EDRF1: variants seen among roughly 807,000 people sequenced by gnomAD.
The protein encoded by EDRF1 is erythroid differentiation-related factor 1.
EDRF1 carries 69 observed loss-of-function variants against 148.7 expected under a neutral mutation model. The ratio of observed to expected loss-of-function variants is 0.46; its 90% CI spans 0.38 to 0.57. The LOEUF is 0.57. EDRF1 is among the 20% of genes least tolerant of loss of function. The probability of loss-of-function intolerance (pLI) is 0.00; values close to 1 mark genes in which losing one functional copy is unlikely to be tolerated. For synonymous variants in EDRF1, 515 were observed against 532.8 expected (o/e 0.97, Z 0.46); for missense variants, 1,118 against 1,478.7 (o/e 0.76, Z 4.00).
intron 3 of EDRF1, 109 bp downstream of exon 3, chr10:125,723,243 GATGAA>G: frequency 1.0e-6 from 1 of 964,926 alleles, no homozygotes; most frequent in East Asian, 2.4e-5. Context: ...AGAAATTAGT[GATGAA>G]ATAAGATAAA....
intron 13 of EDRF1, 72 bp downstream of exon 13, chr10:125,735,976 C>G: frequency 1.5e-6 from 2 of 1,322,728 alleles, no homozygotes; most frequent in Non-Finnish European, 2.1e-6. Context: ...GTTAGCCTTT[C>G]AAAAGATACC....
At chr10:125,721,600 A>G (rs1363480762) in intron 2 of EDRF1, among the ~76,000 whole-genome samples, 188 bp downstream of exon 2, 3 of 152,244 alleles carry the variant, frequency 2.0e-5, no homozygotes, top group Non-Finnish European at 4.4e-5. Context: ...ATATACATAC[A>G]ATATCAATTG....
intron 24 of EDRF1, chr10:125,761,387 TC>T: frequency 4.8e-6 from 1 of 210,094 alleles, no homozygotes; most frequent in South Asian, 6.0e-5. Flanking sequence ...CTTTCACAGA[TC>T]CAGGCCTCTT....
intron 18 of EDRF1, chr10:125,745,206 A>AT: frequency 5.5e-6 from 1 of 180,848 alleles, no homozygotes; most frequent in Non-Finnish European, 1.2e-5. Context: ...AATATCATAG[A>AT]CTAGGTGACA....
At position 125,749,569 on chromosome 10, in the gene EDRF1, A is replaced by T; in HGVS notation, c.3277+4A>T. On this transcript the variant is annotated splice_donor_region_variant and intron_variant, in intron 22 of 24. Transcript: ENST00000356792. ...TTTGCTGAATTTCAGATGACCAGTA[A>T]GTCTTAATTTTCATTTCTCAGATAT... is the stretch of plus-strand genomic sequence containing the variant. 1.2e-6 allele frequency: 2 copies of T among 1,613,928 alleles called. No homozygotes were observed. The highest frequency in any genetic ancestry group is 1.7e-6 in the Non-Finnish European group (2 of 1,180,004).
At chr10:125,744,405 G>C (rs570774276) in intron 18 of EDRF1, among the ~76,000 whole-genome samples, 4 of 152,192 alleles carry the variant, frequency 2.6e-5, no homozygotes, top group Non-Finnish European at 5.9e-5. Context: ...GCTGGTCTCG[G>C]ACTCCTGGCC....
chr10:125,730,302 C>T lies in EDRF1; in HGVS notation c.1031C>T (p.Pro344Leu). The stretch of plus-strand genomic sequence containing the variant: ...TATATTTTTAGGGATAACAACAAAC[C>T]AATTAATGTGCTAACTGGAATTGAC... ...VSLRLRDNNK[P>L]INVLTGIDYW... The change falls in exon 9 of 25, where the codon CCA (proline) becomes CTA (leucine). Residue 344 changes from proline (P) to leucine (L), a missense_variant. By Grantham distance (98) the Pro-to-Leu change is moderately conservative (BLOSUM62 -3). Around this residue, in one of 3 missense-constraint regions of EDRF1, gnomAD observed 954 missense variants for 1,241.4 expected, o/e 0.77. Coordinates refer to ENST00000356792, the MANE Select transcript of EDRF1 (RefSeq NM_001202438.2). The T allele has an allele frequency of 6.2e-7, 1 of 1,613,156 alleles. No individual in the cohort carries two copies. Among genetic ancestry groups the T allele is most frequent in the Admixed American group, 1.7e-5 (1 of 60,014 alleles).
chr10:125,758,809 A>C (rs934747085), intron 24 of EDRF1, among the ~76,000 whole-genome samples: 1 of 152,062 alleles, frequency 6.6e-6, no homozygotes, highest in Non-Finnish European at 1.5e-5. Flanking sequence ...GGAGTTAGCA[A>C]GGACTCCATA....
intron 21 of EDRF1, 149 bp from the exon 22 acceptor site, chr10:125,749,263 A>T: frequency 1.1e-6 from 1 of 878,582 alleles, no homozygotes; most frequent in South Asian, 1.5e-5. Context: ...AAAAAAAAGA[A>T]AGGAAATGGA....
intron 24 of EDRF1, among the ~76,000 whole-genome samples, chr10:125,757,406 GTTA>G (rs1405524880): frequency 6.6e-6 from 1 of 152,200 alleles, no homozygotes; most frequent in East Asian, 1.9e-4. Context: ...CTTTTGTACT[GTTA>G]TTATACGTTT....
chr10:125,748,380 G>A, intron 21 of EDRF1: 1 of 310,078 alleles, frequency 3.2e-6, no homozygotes, highest in Non-Finnish European at 6.2e-6. Context: ...GTGAATTTTG[G>A]GGTTATTCCA....
At position 125,737,920 on chromosome 10, in the gene EDRF1, C is replaced by T. The variant is rs149573174; in HGVS notation, c.1761C>T (p.Pro587=). ...TAATTTTATGTTTGTTCCTCAAGCC[C>T]AGTTGTGCATTTCCAGTTTGCCATG... The part of the protein sequence containing the change: ...EKYKSIHQIR[P]SCAFPVCHDT... Residue 587 remains proline, a splice_region_variant and synonymous_variant, in exon 14 of 25, where the codon CCC becomes CCT. Coordinates refer to ENST00000356792, the MANE Select transcript of EDRF1 (RefSeq NM_001202438.2). 1 of 1,613,750 alleles carries T rather than the reference C, an allele frequency of 6.2e-7. No homozygotes were observed. Among genetic ancestry groups the T allele is most frequent in the African/African-American group, 1.3e-5 (1 of 75,006 alleles).
At chr10:125,720,996 C>T (rs1382810596) in intron 1 of EDRF1, among the ~76,000 whole-genome samples, 2 of 152,070 alleles carry the variant, frequency 1.3e-5, no homozygotes, top group Non-Finnish European at 2.9e-5. Flanking sequence ...CCATCATACT[C>T]CTTGACTCAT....
intron 9 of EDRF1, 39 bp downstream of exon 9, chr10:125,730,438 A>G (rs1848436105): frequency 2.0e-6 from 3 of 1,528,164 alleles, no homozygotes; most frequent in Admixed American, 3.3e-5. Flanking sequence ...CTCAAATGCA[A>G]ATTGGTACAG....
Position 125,735,704 on chromosome 10 carries a change from G to C in EDRF1, c.1558G>C (p.Glu520Gln). 1 of 1,613,494 alleles carries C rather than the reference G, an allele frequency of 6.2e-7. No individual in the cohort carries two copies. Among genetic ancestry groups the C allele is most frequent in the South Asian group, 1.1e-5 (1 of 91,054 alleles). Residue 520 changes from glutamate to glutamine, a missense_variant, in exon 13 of 25, where the codon GAA becomes CAA. This residue lies in a region of EDRF1 where 954 missense variants were observed against 1,241.4 expected (regional missense o/e 0.77). Transcript: ENST00000356792. The stretch of plus-strand genomic sequence containing the variant: ...TTTTCAATTGGATGAACCTAAAAAG[G>C]AAGAAAATTCAGAATCTCCTTTAAA... The part of the protein sequence containing the change: ...ELFQLDEPKK[E>Q]ENSESPLNEN...
Position 125,719,746 on chromosome 10 carries a change from G to C in EDRF1, c.-62G>C. The C allele has an allele frequency of 1.4e-6, 2 of 1,387,068 alleles. No individual in the cohort carries two copies. Among genetic ancestry groups the C allele is most frequent in the East Asian group, 2.4e-5 (1 of 40,922 alleles). The allele number at this position is 1,387,068 out of a possible 1,614,324, so 85.9% of individuals were successfully genotyped here. ...GTCTCTGGCGCTTACCCTGCTTTGG[G>C]CCTGCGTTGCTGCTGCTGCTCCTCC... is the stretch of plus-strand genomic sequence containing the variant. On this transcript the variant is annotated 5_prime_UTR_variant, in exon 1 of 25. Transcript: ENST00000356792.
rs544095838 is a variant in EDRF1 at position 125,760,405 on chromosome 10, T to C, written c.3546-2896T>C. ...ATGGAAGGTTTTCTAAGCTTCTGTT[T>C]ATTTAGGTTATTAATATTCTGCTGA... is the stretch of plus-strand genomic sequence containing the variant. On this transcript the variant is annotated intron_variant, in intron 24 of 24. Transcript: ENST00000356792. 5.9e-5 allele frequency among the ~76,000 whole-genome samples: 9 copies of C among 152,366 alleles called. No homozygotes were observed. In the Middle Eastern group the frequency reaches 0.01, roughly 173 times the overall value.
At chr10:125,726,986 A>G (rs1848283531) in intron 6 of EDRF1, among the ~76,000 whole-genome samples, 1 of 152,216 alleles carries the variant, frequency 6.6e-6, no homozygotes. Flanking sequence ...TTGAGGAAGC[A>G]AGCTGGCATT....
chr10:125,753,929 CTA>C (rs1351260814), intron 24 of EDRF1, 84 bp downstream of exon 24: 1 of 1,475,190 alleles, frequency 6.8e-7, no homozygotes, highest in Non-Finnish European at 9.4e-7. Context: ...TAAAGAAAAA[CTA>C]GGGGCCAGGC....
Sources: allele counts gnomAD v4.1 joint callset (sites outside exome capture counted in the v4.1 genomes callset), GRCh38; gene constraint gnomAD v4.1.1; regional missense constraint gnomAD v4.1.1; transcripts MANE v1.5; gene names NCBI Gene and HGNC (gene_info 2026-07-23, HGNC 2026-07-21).